Variants in SCOC observed in about 807,000 individuals in gnomAD.
SCOC encodes short coiled-coil protein.
Under a neutral mutation model 9.9 loss-of-function variants are expected in SCOC, and 7 were observed. That is an observed-to-expected ratio of 0.71 (90% CI 0.40 to 1.33). The LOEUF (loss-of-function observed/expected upper bound fraction) is 1.33. Ranked by LOEUF, SCOC falls within the 40% of genes most tolerant of loss-of-function variation. The pLI is 0.01. For synonymous variants in SCOC, 19 were observed against 28.2 expected (o/e 0.67, Z 1.03); for missense variants, 66 against 89.7 (o/e 0.74, Z 1.07).
In SCOC at chr4:140,381,052, T is replaced by A; in HGVS notation, c.197T>A (p.Met66Lys). Reference sequence around the variant, plus strand: ...CTTGGACAATATATAGAAAATCTCATGTCAGCTTCTAGTGTTTTTCAAACA... The same window carrying A: ...CTTGGACAATATATAGAAAATCTCAAGTCAGCTTCTAGTGTTTTTCAAACA... ...QVLGQYIENL[M>K]SASSVFQTTD... The change falls in exon 4 of 4, where the codon ATG (methionine) becomes AAG (lysine). Residue 66 changes from methionine to lysine, a missense_variant. Transcript: ENST00000608372. The A allele has an allele frequency of 6.2e-7, 1 of 1,604,028 alleles. No individual in the cohort carries two copies. Among genetic ancestry groups the A allele is most frequent in the Non-Finnish European group, 8.5e-7 (1 of 1,177,566 alleles).
At chr4:140,353,235 A>G (rs2126533119) in intron 2 of SCOC, among the ~76,000 whole-genome samples, 1 of 152,256 alleles carries the variant, frequency 6.6e-6, no homozygotes, top group African/African-American at 2.4e-5. Context: ...ATCAGCTTCT[A>G]TTGGGCTCCA....
intron 1 of SCOC, among the ~76,000 whole-genome samples, chr4:140,306,360 A>G (rs544561463): frequency 7.2e-5 from 11 of 152,348 alleles, no homozygotes; most frequent in East Asian, 3.9e-4. Flanking sequence ...CTACAGTTCA[A>G]GATGAGATTT....
intron 1 of SCOC, among the ~76,000 whole-genome samples, chr4:140,297,496 T>A (rs892916324): frequency 1.3e-5 from 2 of 152,214 alleles, no homozygotes; most frequent in Non-Finnish European, 2.9e-5. Context: ...ATTTTTTGCA[T>A]GGTATTTGGT....
At chr4:140,297,874 G>A (rs1001545203) in intron 1 of SCOC, among the ~76,000 whole-genome samples, 1 of 152,106 alleles carries the variant, frequency 6.6e-6, no homozygotes, top group Admixed American at 6.5e-5. Context: ...AGAAACCCCC[G>A]TTTCTTGGAT....
At chr4:140,258,144 G>A (rs1034772919) in intron 1 of SCOC, among the ~76,000 whole-genome samples, 5 of 152,146 alleles carry the variant, frequency 3.3e-5, no homozygotes, top group Admixed American at 2.6e-4. Context: ...TCCACCCTCC[G>A]CCAAGCACTT....
At chr4:140,308,607 G>T (rs1417251066) in intron 1 of SCOC, among the ~76,000 whole-genome samples, 1 of 152,158 alleles carries the variant, frequency 6.6e-6, no homozygotes, top group East Asian at 1.9e-4. Context: ...GAGGTTGAGA[G>T]CCACGTGGCA....
At position 140,260,907 on chromosome 4, in the gene SCOC, A is replaced by G. The variant is rs549070207; in HGVS notation, c.-19+3497A>G. On this transcript the variant is annotated intron_variant, in intron 1 of 4. Transcript: ENST00000394205. ...GACCATTTGCCATGAACATTAAAAA[A>G]CAGCTGATTAATAGTTTTTCTTAAT... 3.0e-4 allele frequency among the ~76,000 whole-genome samples: 46 copies of G among 152,322 alleles called. 2 individuals carry two copies. The South Asian group carries it at 9.3e-3, about 31-fold the overall frequency.
intron 1 of SCOC, among the ~76,000 whole-genome samples, chr4:140,294,819 C>T (rs1232028622): frequency 1.3e-5 from 2 of 152,210 alleles, no homozygotes; most frequent in Admixed American, 1.3e-4. Context: ...GCTTCCCTTT[C>T]TGCTGACCTG....
rs768030961 is a variant in SCOC at position 140,381,247 on chromosome 4, A to G, written c.*143A>G. The G allele has an allele frequency of 1.8e-5, 13 of 718,622 alleles. No homozygotes were observed. Among genetic ancestry groups the G allele is most frequent in the South Asian group, 4.6e-5 (2 of 43,794 alleles). The allele number at this position is 718,622 out of a possible 1,614,324, so 44.5% of individuals were successfully genotyped here. On this transcript the variant is annotated 3_prime_UTR_variant, in exon 4 of 4. Transcript: ENST00000608372. ...GTCAGATGTAGACAAAAATAACACAATAACAGGAGACTTCCATAAGTTTGT... is the reference window on the plus strand; with the variant it reads ...GTCAGATGTAGACAAAAATAACACAGTAACAGGAGACTTCCATAAGTTTGT...
chr4:140,262,971 C>T (rs1394530850), intron 1 of SCOC, among the ~76,000 whole-genome samples: 1 of 152,196 alleles, frequency 6.6e-6, no homozygotes, highest in East Asian at 1.9e-4. Flanking sequence ...GCCCCCCCTC[C>T]AACCCTGAGG....
At chr4:140,282,644 G>A (rs924896556) in intron 1 of SCOC, among the ~76,000 whole-genome samples, 1 of 152,182 alleles carries the variant, frequency 6.6e-6, no homozygotes, top group African/African-American at 2.4e-5. Flanking sequence ...ATAGGGGGGC[G>A]ATGCTCCTTA....
rs1325591691 is a variant in SCOC, at chr4:140,382,386, A to G, written c.*1282A>G. 1.3e-5 allele frequency: 2 copies of G among 152,730 alleles called. No individual in the cohort carries two copies. Among genetic ancestry groups the G allele is most frequent in the African/African-American group, 2.4e-5 (1 of 41,576 alleles). The allele number at this position is 152,730 out of a possible 1,614,324, so 9.5% of individuals were successfully genotyped here. On this transcript the variant is annotated 3_prime_UTR_variant, in exon 4 of 4. Transcript: ENST00000608372. ...GGTTATTAGATTTGGGCTTTTAATC[A>G]TGGAATAATCTTATGTATTGGTGTA... is the stretch of plus-strand genomic sequence containing the variant.
chr4:140,336,694 C>T (rs1732967696), intron 1 of SCOC, among the ~76,000 whole-genome samples: 1 of 152,146 alleles, frequency 6.6e-6, no homozygotes, highest in Non-Finnish European at 1.5e-5. Flanking sequence ...AATCTTCATG[C>T]ACAAGTTTCT....
At chr4:140,287,435 C>T (rs1443106529) in intron 1 of SCOC, among the ~76,000 whole-genome samples, 1 of 150,836 alleles carries the variant, frequency 6.6e-6, no homozygotes, top group African/African-American at 2.4e-5. Context: ...AGACCATGCA[C>T]ATACATATAC....
intron 1 of SCOC, among the ~76,000 whole-genome samples, chr4:140,287,642 G>T (rs1257298069): frequency 2.0e-5 from 3 of 151,930 alleles, no homozygotes; most frequent in Non-Finnish European, 4.4e-5. Flanking sequence ...ATGCCACACA[G>T]AGTATGCAGG....
chr4:140,370,895 T>TA (rs1491414934), upstream of SCOC, among the ~76,000 whole-genome samples: 1 of 86,690 alleles, frequency 1.2e-5, no homozygotes, highest in Non-Finnish European at 2.3e-5. Flanking sequence ...GTCTGAATTC[T>TA]TTTTTTTTTT....
intron 1 of SCOC, chr4:140,285,186 G>A (rs1202202836): frequency 4.4e-6 from 2 of 456,618 alleles, no homozygotes; most frequent in Admixed American, 4.7e-5. Context: ...TTACTCCAAA[G>A]TTGTGTTCGA....
Position 140,362,277 on chromosome 4 carries a change from A to ACTTTT in SCOC, c.71-16841_71-16840insTTCTT, listed in dbSNP as rs1727551662. On this transcript the variant is annotated intron_variant, in intron 2 of 4. Coordinates refer to the SCOC transcript ENST00000338517. ...ACCGGCTAAAGACAGGTGTGTCCTTACTTCTTCTTCTTCTTCTTCTTCTTT... is the reference window on the plus strand; with the variant it reads ...ACCGGCTAAAGACAGGTGTGTCCTTACTTTTCTTCTTCTTCTTCTTCTTCTTCTTT... Among the ~76,000 whole-genome samples, 4 of 11,680 alleles carry ACTTTT rather than the reference A, an allele frequency of 3.4e-4. 1 individual carries two copies. Among genetic ancestry groups the ACTTTT allele is most frequent in the African/African-American group, 8.9e-4 (4 of 4,482 alleles). The allele number at this position is 11,680 out of a possible 152,430, so 7.7% of individuals were successfully genotyped here.
chr4:140,287,411 T>C (rs945924196), intron 1 of SCOC, among the ~76,000 whole-genome samples: 2 of 146,320 alleles, frequency 1.4e-5, no homozygotes, highest in African/African-American at 5.1e-5. Context: ...GTACACACAC[T>C]ACACACACTA....
Sources: gnomAD v4.1 joint callset for allele counts (sites outside exome capture counted in the v4.1 genomes callset) on GRCh38, gnomAD v4.1.1 for gene constraint, MANE v1.5 for transcripts, NCBI Gene and HGNC (gene_info 2026-07-23, HGNC 2026-07-21) for gene names.